The following RBFOX1 variants were observed in gnomAD, a reference collection of about 807,000 sequenced individuals.
RBFOX1 encodes RNA binding fox-1 homolog 1.
A neutral mutation model predicts 57.7 loss-of-function variants in RBFOX1; 8 were observed. The ratio of observed to expected loss-of-function variants is 0.14; its 90% CI spans 0.08 to 0.25. The LOEUF (loss-of-function observed/expected upper bound fraction) is 0.25, where lower values mean the gene tolerates loss of function less well. Among genes scored for constraint, RBFOX1 ranks in the 10% least tolerant of loss-of-function variants. The pLI, the probability that RBFOX1 is intolerant of heterozygous loss-of-function variation, is 1.00. For missense variants in RBFOX1, 611 were observed against 548.5 expected (o/e 1.11, Z -1.14); for synonymous variants, 326 against 222.4 (o/e 1.47, Z -4.15).
chr16:5,478,470 T>C lies in RBFOX1; in HGVS notation c.258+11216T>C, dbSNP rs530043239. ...AAAGCTCTAGACAGTGAAAGCCCCT[T>C]GCAAGAAATGCATCTATAGCAAATC... On this transcript the variant is annotated intron_variant, in intron 2 of 2. Transcript: ENST00000585867. Among the ~76,000 whole-genome samples, 4 of 152,286 alleles carry C rather than the reference T, an allele frequency of 2.6e-5. No homozygotes were observed. The South Asian group carries it at 8.3e-4, about 32-fold the overall frequency.
At chr16:5,290,992 G>A (rs188476336) in intron 1 of RBFOX1, among the ~76,000 whole-genome samples, 13 of 152,274 alleles carry the variant, frequency 8.5e-5, no homozygotes, top group Admixed American at 3.9e-4. Context: ...GAGCCACTGC[G>A]CTCAGCCAGA....
At chr16:5,939,083 T>G (rs573033440) in intron 4 of RBFOX1, among the ~76,000 whole-genome samples, 25 of 150,016 alleles carry the variant, frequency 1.7e-4, no homozygotes, top group Non-Finnish European at 5.9e-5. Flanking sequence ...CACACACCAC[T>G]GCGTGTCGTG....
intron 1 of RBFOX1, among the ~76,000 whole-genome samples, chr16:6,088,530 C>CTCCT (rs144314209): frequency 0.013 from 1,995 of 149,960 alleles, 29 homozygotes; most frequent in African/African-American, 0.034. Context: ...CTTTCCTTTT[C>CTCCT]TCCTTCCTTC....
At chr16:7,501,974 C>G (rs2071049723) in intron 4 of RBFOX1, among the ~76,000 whole-genome samples, 1 of 152,182 alleles carries the variant, frequency 6.6e-6, no homozygotes, top group African/African-American at 2.4e-5. Context: ...TACCTAACTC[C>G]TGAAACAATT....
At chr16:5,659,314 T>C (rs2049567144) in intron 3 of RBFOX1, among the ~76,000 whole-genome samples, 1 of 150,218 alleles carries the variant, frequency 6.7e-6, no homozygotes, top group Admixed American at 6.6e-5. Flanking sequence ...TTTTTTTTTT[T>C]TTTTTTTGAG....
chr16:5,497,622 C>CAAAAAAAAAAAAAAAAA (rs911723996), intron 2 of RBFOX1, among the ~76,000 whole-genome samples: 62 of 53,398 alleles, frequency 1.2e-3, no homozygotes, highest in African/African-American at 6.0e-3. Flanking sequence ...ACTAAAAATA[C>CAAAAAAAAAAAAAAAAA]AAAAAAAAAA....
intron 1 of RBFOX1, among the ~76,000 whole-genome samples, chr16:6,049,933 T>G (rs1431897600): frequency 6.6e-6 from 1 of 150,980 alleles, no homozygotes; most frequent in African/African-American, 2.4e-5. Flanking sequence ...GCCATTTTAC[T>G]CTGTTAAAAA....
intron 3 of RBFOX1, among the ~76,000 whole-genome samples, chr16:6,945,958 C>A (rs1035569144): frequency 1.2e-4 from 18 of 152,346 alleles, no homozygotes; most frequent in African/African-American, 4.1e-4. Context: ...TCAAGGCATT[C>A]TGCCTCAATT....
chr16:6,274,440 C>T (rs867075247), intron 1 of RBFOX1, among the ~76,000 whole-genome samples: 5 of 152,130 alleles, frequency 3.3e-5, no homozygotes, highest in South Asian at 2.1e-4. Flanking sequence ...AAAATTATGC[C>T]GCATGAAAAA....
At chr16:5,597,791 G>A (rs2047235792) in intron 2 of RBFOX1, among the ~76,000 whole-genome samples, 1 of 152,158 alleles carries the variant, frequency 6.6e-6, no homozygotes, top group African/African-American at 2.4e-5. Context: ...GGTGGACGAA[G>A]GCTTTGGGAA....
intron 4 of RBFOX1, among the ~76,000 whole-genome samples, chr16:7,424,903 C>T (rs2098595212): frequency 6.6e-6 from 1 of 151,898 alleles, no homozygotes; most frequent in African/African-American, 2.4e-5. Context: ...AAATTTGGAG[C>T]AGAATATAAT....
intron 1 of RBFOX1, among the ~76,000 whole-genome samples, chr16:5,287,071 G>T (rs990646602): frequency 2.6e-5 from 4 of 152,350 alleles, no homozygotes; most frequent in African/African-American, 9.6e-5. Context: ...TTGGGAGGAT[G>T]AGGCAGGAGG....
chr16:5,584,342 G>A (rs921762236), intron 2 of RBFOX1, among the ~76,000 whole-genome samples: 1 of 152,154 alleles, frequency 6.6e-6, no homozygotes. Context: ...AGCATCTTGA[G>A]CCAGAAATAT....
intron 2 of RBFOX1, among the ~76,000 whole-genome samples, chr16:6,568,266 C>T (rs2097295423): frequency 6.6e-6 from 1 of 152,160 alleles, no homozygotes; most frequent in Non-Finnish European, 1.5e-5. Flanking sequence ...AGTACATCAG[C>T]TGGGGCAGCC....
In RBFOX1 at chr16:6,630,371, T is replaced by A. The variant is rs1340168680; in HGVS notation, c.-63-24232T>A. Among the ~76,000 whole-genome samples the A allele has an allele frequency of 2.0e-5, 3 of 152,050 alleles. No individual in the cohort carries two copies. The East Asian group carries it at 5.8e-4, about 29-fold the overall frequency. On this transcript the variant is annotated intron_variant, in intron 2 of 15. Coordinates refer to ENST00000550418, the MANE Select transcript of RBFOX1 (RefSeq NM_018723.4). ...TGCATCCATCCATTTCTGCAGCAGA[T>A]TGTTTGATGTTTTTAATGATACTCA... is the stretch of plus-strand genomic sequence containing the variant.
chr16:6,690,961 C>T (rs2060126458), intron 3 of RBFOX1, among the ~76,000 whole-genome samples: 1 of 152,038 alleles, frequency 6.6e-6, no homozygotes, highest in Non-Finnish European at 1.5e-5. Flanking sequence ...GGCTGGGCAT[C>T]ATCAGGAAGC....
intron 4 of RBFOX1, among the ~76,000 whole-genome samples, chr16:7,059,433 C>G (rs113796667): frequency 4.8e-4 from 73 of 152,232 alleles, no homozygotes; most frequent in Non-Finnish European, 9.3e-4. Context: ...AATCACTGTG[C>G]TAGGCAGTAG....
chr16:5,954,982 AG>A (rs1356898767), intron 4 of RBFOX1, among the ~76,000 whole-genome samples: 6 of 151,698 alleles, frequency 4.0e-5, no homozygotes, highest in South Asian at 2.1e-4. Context: ...CAGCAGCCTA[AG>A]AAAGTCAGTC....
At chr16:7,629,740 C>T (rs115288142) in intron 10 of RBFOX1, among the ~76,000 whole-genome samples, 7 of 152,252 alleles carry the variant, frequency 4.6e-5, no homozygotes, top group Admixed American at 3.3e-4. Context: ...CATTATTTGC[C>T]GCTGTAAAAT....
Sources: allele counts gnomAD v4.1 joint callset (sites outside exome capture counted in the v4.1 genomes callset), GRCh38; gene constraint gnomAD v4.1.1; transcripts MANE v1.5; gene names NCBI Gene and HGNC (gene_info 2026-07-23, HGNC 2026-07-21).